Variants in PLEKHA5 observed in about 807,000 individuals in gnomAD.
PLEKHA5 encodes the protein pleckstrin homology domain-containing family A member 5.
Under a neutral mutation model 181.9 loss-of-function variants are expected in PLEKHA5, and 55 were observed. The ratio of observed to expected loss-of-function variants is 0.30; its 90% CI spans 0.24 to 0.38. The LOEUF is 0.38. Among genes scored for constraint, PLEKHA5 ranks in the 10% least tolerant of loss-of-function variants. The probability of loss-of-function intolerance (pLI) is 1.00; values close to 1 mark genes in which losing one functional copy is unlikely to be tolerated. For synonymous variants in PLEKHA5, 535 were observed against 529.4 expected, an observed-to-expected ratio of 1.01 and a Z score of -0.15; for missense variants, 1,432 against 1,549.5, an observed-to-expected ratio of 0.92 and a Z score of 1.27.
intron 26 of PLEKHA5, among the ~76,000 whole-genome samples, chr12:19,357,630 T>G (rs1433171609): frequency 1.3e-5 from 2 of 151,850 alleles, no homozygotes. Flanking sequence ...TTTGTTTGTT[T>G]GTTTGTTTGT....
Position 19,291,604 on chromosome 12 carries a change from C to G in PLEKHA5, c.1984-40C>G, listed in dbSNP as rs955868776. The G allele has an allele frequency of 3.2e-6, 4 of 1,240,610 alleles. No homozygotes were observed. The South Asian group carries it at 5.4e-5, about 17-fold the overall frequency. The allele number at this position is 1,240,610 out of a possible 1,614,324, so 76.9% of individuals were successfully genotyped here. ...TTGACCTTTTCTTGAATTCCACATCCTCTTTCTCTGTCCCTTTTTTCTTAA... is the reference window on the plus strand; with the variant it reads ...TTGACCTTTTCTTGAATTCCACATCGTCTTTCTCTGTCCCTTTTTTCTTAA... On this transcript the variant is annotated intron_variant, in intron 14 of 31. Coordinates refer to ENST00000429027, the MANE Select transcript of PLEKHA5 (RefSeq NM_001256470.2).
At chr12:19,197,966 A>G (rs2053338603) in intron 3 of PLEKHA5, among the ~76,000 whole-genome samples, 1 of 151,798 alleles carries the variant, frequency 6.6e-6, no homozygotes, top group South Asian at 2.1e-4. Context: ...AGCCCTGTTG[A>G]CACTTCCTCC....
At chr12:19,245,588 C>T (rs1296942726) in intron 3 of PLEKHA5, among the ~76,000 whole-genome samples, 3 of 151,554 alleles carry the variant, frequency 2.0e-5, no homozygotes, top group Non-Finnish European at 2.9e-5. Flanking sequence ...ATTAGCCGGG[C>T]GTGGTGGCAG....
Position 19,359,583 on chromosome 12 carries a change from A to G in PLEKHA5, c.3483+37A>G, listed in dbSNP as rs568300672. 1.1e-5 allele frequency: 17 copies of G among 1,590,422 alleles called. No homozygotes were observed. The South Asian group carries it at 1.2e-4, about 11-fold the overall frequency. ...ATTTTATGAAAGGTATTCCAAAGGA[A>G]TAGATTTGTGAAGATTAAATCAAGT... On this transcript the variant is annotated intron_variant, in intron 28 of 31. Coordinates refer to ENST00000429027, the MANE Select transcript of PLEKHA5 (RefSeq NM_001256470.2).
chr12:19,293,344 C>A (rs967384063), intron 15 of PLEKHA5, among the ~76,000 whole-genome samples: 1 of 152,038 alleles, frequency 6.6e-6, no homozygotes, highest in Non-Finnish European at 1.5e-5. Flanking sequence ...ATATTTTCCA[C>A]AAAACATTTT....
At chr12:19,164,203 T>TTC (rs2043721146) in intron 3 of PLEKHA5, among the ~76,000 whole-genome samples, 1 of 145,928 alleles carries the variant, frequency 6.9e-6, no homozygotes. Flanking sequence ...TTTTGTTTTT[T>TTC]TTTTTTTTTT....
chr12:19,214,267 A>G (rs922709391), intron 3 of PLEKHA5, among the ~76,000 whole-genome samples: 7 of 152,218 alleles, frequency 4.6e-5, no homozygotes, highest in African/African-American at 1.7e-4. Context: ...CTCAGGTGCT[A>G]CACATCAGTC....
rs529222387 is a variant in PLEKHA5 at position 19,350,117 on chromosome 12, A to C, written c.3019+1598A>C. Among the ~76,000 whole-genome samples the C allele has an allele frequency of 3.8e-4, 58 of 152,292 alleles. 1 individual carries two copies. The highest frequency in any genetic ancestry group is 3.7e-3 in the South Asian group (18 of 4,822). ...ACAGAGTGAGACTCCGTCACACACA[A>C]AAAAATAACAGATAGATATATCGCA... On this transcript the variant is annotated intron_variant, in intron 25 of 31. Coordinates refer to ENST00000429027, the MANE Select transcript of PLEKHA5 (RefSeq NM_001256470.2).
At chr12:19,255,495 T>C (rs1176094098) in intron 5 of PLEKHA5, among the ~76,000 whole-genome samples, 4 of 151,958 alleles carry the variant, frequency 2.6e-5, no homozygotes, top group African/African-American at 7.2e-5. Flanking sequence ...AGAAAACATT[T>C]TTCAGCAAAA....
intron 15 of PLEKHA5, among the ~76,000 whole-genome samples, chr12:19,294,858 A>G (rs2079348139): frequency 6.6e-6 from 1 of 152,232 alleles, no homozygotes; most frequent in South Asian, 2.1e-4. Flanking sequence ...TAACTTCAGC[A>G]ATATAATTTG....
chr12:19,289,965 T>C (rs2078047073), intron 13 of PLEKHA5, among the ~76,000 whole-genome samples: 1 of 152,042 alleles, frequency 6.6e-6, no homozygotes, highest in South Asian at 2.1e-4. Flanking sequence ...TATTTTGAGA[T>C]GGAGTCTCGC....
At chr12:19,348,362 G>T (rs2094438936) in intron 24 of PLEKHA5, 37 bp from the exon 25 acceptor site, 2 of 1,509,476 alleles carry the variant, frequency 1.3e-6, no homozygotes, top group South Asian at 1.3e-5. Context: ...GAAACTTTTA[G>T]CAGTTTTTTA....
At chr12:19,330,379 T>C (rs940099087) in intron 20 of PLEKHA5, among the ~76,000 whole-genome samples, 2 of 152,144 alleles carry the variant, frequency 1.3e-5, no homozygotes, top group Admixed American at 1.3e-4. Context: ...ACAGTTTGAG[T>C]TGGTGCCCTT....
intron 3 of PLEKHA5, among the ~76,000 whole-genome samples, chr12:19,205,051 A>C (rs145212864): frequency 6.6e-6 from 1 of 152,236 alleles, no homozygotes; most frequent in East Asian, 1.9e-4. Context: ...CTTGTTATTT[A>C]ATAAACTTGT....
chr12:19,195,445 G>A (rs2052426251), intron 3 of PLEKHA5, among the ~76,000 whole-genome samples: 2 of 152,074 alleles, frequency 1.3e-5, no homozygotes, highest in Admixed American at 6.5e-5. Flanking sequence ...AAGGCAGGCA[G>A]ATCACTTGAG....
chr12:19,157,602 T>G (rs994662782), intron 3 of PLEKHA5, among the ~76,000 whole-genome samples: 5 of 152,182 alleles, frequency 3.3e-5, no homozygotes, highest in African/African-American at 1.2e-4. Context: ...TTCCAAGCAC[T>G]CTGCTGGGTC....
At chr12:19,345,804 G>T in intron 22 of PLEKHA5, 38 bp from the exon 23 acceptor site, 2 of 999,710 alleles carry the variant, frequency 2.0e-6, no homozygotes, top group East Asian at 2.5e-5. Flanking sequence ...GTATTAGAAA[G>T]ATATGTTTAA....
At chr12:19,333,760 C>G (rs957106928) in intron 20 of PLEKHA5, among the ~76,000 whole-genome samples, 7 of 151,866 alleles carry the variant, frequency 4.6e-5, no homozygotes, top group Non-Finnish European at 8.8e-5. Flanking sequence ...AGGCACCCAC[C>G]ACCAAGCCCA....
chr12:19,226,526 C>T (rs1423168097), intron 3 of PLEKHA5, among the ~76,000 whole-genome samples: 4 of 152,166 alleles, frequency 2.6e-5, no homozygotes, highest in Non-Finnish European at 5.9e-5. Context: ...TTTTCCATAG[C>T]ACCTGCACCA....
Sources: gnomAD v4.1 joint callset for allele counts (sites outside exome capture counted in the v4.1 genomes callset) on GRCh38, gnomAD v4.1.1 for gene constraint, MANE v1.5 for transcripts, NCBI Gene and HGNC (gene_info 2026-07-23, HGNC 2026-07-21) for gene names.